Variants in TACR1 observed in about 807,000 individuals in gnomAD.
TACR1 encodes the protein tachykinin receptor 1.
A neutral mutation model predicts 35.8 loss-of-function variants in TACR1; 25 were observed. The observed-to-expected ratio is 0.70, with a 90% CI of 0.51 to 0.98. The LOEUF is 0.98. Ranked by LOEUF, TACR1 falls within the 50% of genes least tolerant of loss-of-function variation. TACR1 has a pLI of 0.00. For synonymous variants in TACR1, 195 were observed against 206.7 expected (o/e 0.94, Z 0.48); for missense variants, 478 against 522.9 (o/e 0.91, Z 0.84).
intron 1 of TACR1, among the ~76,000 whole-genome samples, chr2:75,126,943 A>G (rs1371803106): frequency 6.6e-6 from 1 of 152,248 alleles, no homozygotes; most frequent in East Asian, 1.9e-4. Context: ...TCACTGAGAT[A>G]CCATCTCATA....
rs557329417 is a variant in TACR1 at position 75,062,888 on chromosome 2, A to G, written c.585-9133T>C. On this transcript the variant is annotated intron_variant, in intron 2 of 4. Coordinates refer to ENST00000305249, the MANE Select transcript of TACR1 (RefSeq NM_001058.4). ...ACTCATTGTAACTTAAAATTTTATA[A>G]TTGTATTAGTCTGTTTTCATGCTGA... 1.7e-3 allele frequency among the ~76,000 whole-genome samples: 252 copies of G among 152,316 alleles called. 1 individual carries two copies. The highest frequency in any genetic ancestry group is 5.7e-3 in the African/African-American group (235 of 41,580).
intron 1 of TACR1, among the ~76,000 whole-genome samples, chr2:75,184,454 GAC>G (rs1386364897): frequency 6.6e-6 from 1 of 151,382 alleles, no homozygotes; most frequent in Non-Finnish European, 1.5e-5. Flanking sequence ...AAAAGTAAAG[GAC>G]ACAGACACTA....
At chr2:75,109,972 C>CTAGA (rs1431409940) in intron 2 of TACR1, among the ~76,000 whole-genome samples, 1 of 152,112 alleles carries the variant, frequency 6.6e-6, no homozygotes, top group Non-Finnish European at 1.5e-5. Context: ...TTTCCCTGAA[C>CTAGA]TAGAGATCTG....
At chr2:75,196,248 A>C (rs1675970287) in intron 1 of TACR1, among the ~76,000 whole-genome samples, 1 of 152,222 alleles carries the variant, frequency 6.6e-6, no homozygotes, top group Admixed American at 6.5e-5. Context: ...CTTTCTTTCC[A>C]ATACATTCTT....
intron 2 of TACR1, among the ~76,000 whole-genome samples, chr2:75,108,136 T>A (rs905015738): frequency 3.9e-5 from 6 of 152,082 alleles, no homozygotes; most frequent in African/African-American, 1.4e-4. Context: ...GTTCCTTTGC[T>A]AATTCCAATG....
intron 1 of TACR1, among the ~76,000 whole-genome samples, 155 bp downstream of exon 1, chr2:75,198,391 G>T (rs996302057): frequency 6.6e-6 from 1 of 152,148 alleles, no homozygotes; most frequent in Non-Finnish European, 1.5e-5. Context: ...ATAAGATGAA[G>T]TTCCCCATCA....
intron 1 of TACR1, among the ~76,000 whole-genome samples, chr2:75,177,970 A>G (rs2104036429): frequency 6.6e-6 from 1 of 151,914 alleles, no homozygotes; most frequent in East Asian, 1.9e-4. Context: ...CTTATTTTTT[A>G]TTTCTTTGGG....
At chr2:75,158,263 A>G (rs867855632) in intron 1 of TACR1, among the ~76,000 whole-genome samples, 3 of 152,342 alleles carry the variant, frequency 2.0e-5, no homozygotes, top group Middle Eastern at 6.8e-3. Flanking sequence ...CTATGTAATC[A>G]GTAGAATTTT....
chr2:75,098,280 T>C (rs1673464413), intron 2 of TACR1, among the ~76,000 whole-genome samples: 1 of 152,148 alleles, frequency 6.6e-6, no homozygotes, highest in Non-Finnish European at 1.5e-5. Flanking sequence ...GCAGTTCTGT[T>C]TCCTTTTTTT....
chr2:75,133,952 C>T lies in TACR1; in HGVS notation c.390-13184G>A, dbSNP rs150994525. On this transcript the variant is annotated intron_variant, in intron 1 of 4. Coordinates refer to ENST00000305249, the MANE Select transcript of TACR1 (RefSeq NM_001058.4). ...CCACCAAACCAAGATGGCGAAGAGACTTCTTTGTTTTGGAGACCAGAAGGA... is the reference window on the plus strand; with the variant it reads ...CCACCAAACCAAGATGGCGAAGAGATTTCTTTGTTTTGGAGACCAGAAGGA... 5.9e-5 allele frequency among the ~76,000 whole-genome samples: 9 copies of T among 152,298 alleles called. No homozygotes were observed. The East Asian group carries it at 1.7e-3, about 29-fold the overall frequency.
At chr2:75,098,754 C>T (rs368358022) in intron 2 of TACR1, among the ~76,000 whole-genome samples, 1 of 152,146 alleles carries the variant, frequency 6.6e-6, no homozygotes, top group Non-Finnish European at 1.5e-5. Flanking sequence ...CCACTTTCCT[C>T]TCAAACTCTC....
At chr2:75,068,014 G>C (rs1399364229) in intron 2 of TACR1, among the ~76,000 whole-genome samples, 1 of 152,218 alleles carries the variant, frequency 6.6e-6, no homozygotes, top group South Asian at 2.1e-4. Flanking sequence ...ATCTGGGCAA[G>C]ATATAATGAA....
At chr2:75,156,467 G>C (rs80143559) in intron 1 of TACR1, among the ~76,000 whole-genome samples, 52,441 of 150,406 alleles carry the variant, frequency 0.35, 9,477 homozygotes, top group Admixed American at 0.41. Flanking sequence ...GCCGGGCATG[G>C]TGGCAGGCCC....
chr2:75,150,119 T>G (rs1248662725), intron 1 of TACR1, among the ~76,000 whole-genome samples: 2 of 152,218 alleles, frequency 1.3e-5, no homozygotes, highest in South Asian at 2.1e-4. Context: ...ATAAGCTTTT[T>G]GATGTGCTGG....
At chr2:75,116,559 A>G (rs552871814) in intron 2 of TACR1, among the ~76,000 whole-genome samples, 8 of 152,206 alleles carry the variant, frequency 5.3e-5, no homozygotes, top group Admixed American at 3.9e-4. Context: ...ATTACCTGCA[A>G]GTGGAATTTC....
chr2:75,060,869 G>T (rs972520768), intron 2 of TACR1, among the ~76,000 whole-genome samples: 37 of 152,252 alleles, frequency 2.4e-4, no homozygotes, highest in African/African-American at 8.4e-4. Flanking sequence ...ACTGTGGCTT[G>T]GGGGAAGAGC....
chr2:75,194,317 T>G (rs1464428993), intron 1 of TACR1, among the ~76,000 whole-genome samples: 1 of 152,130 alleles, frequency 6.6e-6, no homozygotes, highest in African/African-American at 2.4e-5. Context: ...ACAGGGCCAG[T>G]TGTGGCCAAT....
intron 2 of TACR1, among the ~76,000 whole-genome samples, chr2:75,119,307 G>A (rs1347634655): frequency 5.9e-5 from 9 of 152,176 alleles, no homozygotes; most frequent in East Asian, 3.8e-4. Flanking sequence ...AGGAAACAGA[G>A]CTCTATTATC....
At chr2:75,076,077 T>G (rs1672970836) in intron 2 of TACR1, among the ~76,000 whole-genome samples, 1 of 152,246 alleles carries the variant, frequency 6.6e-6, no homozygotes, top group South Asian at 2.1e-4. Flanking sequence ...CTTTGCTGCT[T>G]ATTCTGTCCT....
Sources: gnomAD v4.1 joint callset for allele counts (sites outside exome capture counted in the v4.1 genomes callset) on GRCh38, gnomAD v4.1.1 for gene constraint, MANE v1.5 for transcripts, NCBI Gene and HGNC (gene_info 2026-07-23, HGNC 2026-07-21) for gene names.